The following MAGI1 variants were observed in gnomAD, a reference collection of about 807,000 sequenced individuals.
MAGI1 encodes membrane associated guanylate kinase, WW and PDZ domain containing 1, also known as membrane-associated guanylate kinase, WW and PDZ domain-containing protein 1.
In MAGI1, 58 loss-of-function variants were observed where a neutral mutation model predicts 139.9. The ratio of observed to expected loss-of-function variants is 0.41; its 90% CI spans 0.34 to 0.52. MAGI1 has a LOEUF of 0.52. MAGI1 is among the 20% of genes least tolerant of loss of function. MAGI1 has a pLI of 0.12. For synonymous variants in MAGI1, 812 were observed against 737.9 expected, an observed-to-expected ratio of 1.10 and a Z score of -1.63; for missense variants, 1,874 against 1,901.6, an observed-to-expected ratio of 0.99 and a Z score of 0.27.
intron 2 of MAGI1, among the ~76,000 whole-genome samples, chr3:65,579,807 A>G (rs922863167): frequency 6.7e-6 from 1 of 148,262 alleles, no homozygotes; most frequent in African/African-American, 2.5e-5. Context: ...AGATCACGCC[A>G]CTGCACTCTG....
intron 1 of MAGI1, among the ~76,000 whole-genome samples, chr3:65,906,425 G>C (rs918858203): frequency 2.0e-5 from 3 of 152,156 alleles, no homozygotes; most frequent in African/African-American, 2.4e-5. Context: ...CACAGCAAGG[G>C]GAAGATGCAA....
chr3:65,595,822 GGGTA>G (rs2082166041), intron 2 of MAGI1, among the ~76,000 whole-genome samples: 2 of 147,716 alleles, frequency 1.4e-5, no homozygotes. Context: ...TGGGTAGGGT[GGGTA>G]GGGTGGGGGT....
At chr3:65,921,919 G>GACACACACACACACACAC (rs35532734) in intron 1 of MAGI1, among the ~76,000 whole-genome samples, 13 of 140,844 alleles carry the variant, frequency 9.2e-5, no homozygotes, top group African/African-American at 2.6e-4. Context: ...CCACACACAC[G>GACACACACACACACACAC]ACACACACAC....
intron 13 of MAGI1, among the ~76,000 whole-genome samples, chr3:65,395,788 C>G (rs1295128582): frequency 6.6e-6 from 1 of 151,784 alleles, no homozygotes; most frequent in Non-Finnish European, 1.5e-5. Context: ...GTTTGGGTTT[C>G]ATTCTTAGTT....
At chr3:65,762,896 G>C (rs576078471) in intron 1 of MAGI1, among the ~76,000 whole-genome samples, 32 of 152,278 alleles carry the variant, frequency 2.1e-4, no homozygotes, top group Non-Finnish European at 3.2e-4. Context: ...ACCACTTCCA[G>C]AATGTGGTCT....
intron 13 of MAGI1, among the ~76,000 whole-genome samples, chr3:65,401,168 T>C (rs189386818): frequency 5.3e-5 from 8 of 152,278 alleles, no homozygotes; most frequent in Admixed American, 3.3e-4. Flanking sequence ...AGAGTGTGGA[T>C]GCATTTGTAT....
chr3:65,520,805 G>A (rs2078116012), intron 2 of MAGI1, among the ~76,000 whole-genome samples: 1 of 152,130 alleles, frequency 6.6e-6, no homozygotes, highest in Admixed American at 6.5e-5. Context: ...AGGATTAACT[G>A]CCAGACTGCC....
chr3:65,935,319 A>G (rs552551796), intron 1 of MAGI1, among the ~76,000 whole-genome samples: 1 of 152,252 alleles, frequency 6.6e-6, no homozygotes, highest in Admixed American at 6.5e-5. Flanking sequence ...GAATAAGAAG[A>G]ATGGTTTTGT....
intron 1 of MAGI1, among the ~76,000 whole-genome samples, chr3:65,899,628 G>A (rs1445000486): frequency 6.6e-6 from 1 of 152,152 alleles, no homozygotes; most frequent in Non-Finnish European, 1.5e-5. Context: ...AAAACAGAAA[G>A]AACAACTATG....
At chr3:65,649,140 G>T (rs1185129663) in intron 1 of MAGI1, among the ~76,000 whole-genome samples, 1 of 152,150 alleles carries the variant, frequency 6.6e-6, no homozygotes, top group Non-Finnish European at 1.5e-5. Flanking sequence ...TTGGGATGCT[G>T]AGGCAGAAGG....
At chr3:65,534,912 C>A (rs954197437) in intron 2 of MAGI1, among the ~76,000 whole-genome samples, 2 of 152,122 alleles carry the variant, frequency 1.3e-5, no homozygotes, top group Admixed American at 6.6e-5. Flanking sequence ...AACCCCATCA[C>A]CATGGCAGGT....
chr3:65,775,826 C>T (rs953263115), intron 1 of MAGI1, among the ~76,000 whole-genome samples: 2 of 151,844 alleles, frequency 1.3e-5, no homozygotes, highest in African/African-American at 4.8e-5. Flanking sequence ...GCCTGTAGTC[C>T]CAGCTATGCA....
intron 2 of MAGI1, among the ~76,000 whole-genome samples, chr3:65,615,497 G>GAAGTGTGCA (rs2083324133): frequency 6.6e-6 from 1 of 152,166 alleles, no homozygotes; most frequent in Admixed American, 6.5e-5. Context: ...ACACTTCAAT[G>GAAGTGTGCA]CTCCTGAAGG....
intron 1 of MAGI1, among the ~76,000 whole-genome samples, chr3:65,673,549 A>G (rs2086994681): frequency 6.6e-6 from 1 of 152,176 alleles, no homozygotes; most frequent in African/African-American, 2.4e-5. Context: ...CCAATTTGAG[A>G]AAAAGTAGGA....
At chr3:65,530,684 TACGTGTATATATATACACATATAC>T (rs1321524972) in intron 2 of MAGI1, among the ~76,000 whole-genome samples, 13 of 143,064 alleles carry the variant, frequency 9.1e-5, no homozygotes, top group Admixed American at 2.2e-4. Flanking sequence ...CATATATATA[TACGTGTATATATATACACATATAC>T]ACGTGTATAT....
intron 1 of MAGI1, among the ~76,000 whole-genome samples, chr3:65,879,522 A>G (rs563335972): frequency 2.0e-4 from 30 of 152,192 alleles, no homozygotes; most frequent in African/African-American, 7.2e-4. Context: ...TATTATAACA[A>G]CCTTGGGCAA....
At chr3:65,766,718 T>C (rs748979833) in intron 1 of MAGI1, among the ~76,000 whole-genome samples, 4 of 151,910 alleles carry the variant, frequency 2.6e-5, no homozygotes, top group Non-Finnish European at 5.9e-5. Flanking sequence ...GGTGAAACCC[T>C]GTCTCTACTA....
intron 2 of MAGI1, among the ~76,000 whole-genome samples, chr3:65,602,277 A>C (rs566353823): frequency 7.2e-5 from 11 of 152,328 alleles, no homozygotes; most frequent in Non-Finnish European, 1.0e-4. Flanking sequence ...ATTATTACTC[A>C]TAATAGCCAA....
rs549871985 is a variant in MAGI1, at chr3:65,777,137, A to C, written c.314-155049T>G. Among the ~76,000 whole-genome samples the C allele has an allele frequency of 1.5e-3, 230 of 152,316 alleles. 1 individual carries two copies. Among genetic ancestry groups the C allele is most frequent in the Non-Finnish European group, 2.1e-3 (141 of 68,036 alleles). On this transcript the variant is annotated intron_variant, in intron 1 of 22. Coordinates refer to ENST00000402939, the MANE Select transcript of MAGI1 (RefSeq NM_001033057.2). ...AAACGCAAACAGTGAAAACTCAAAG[A>C]CTTTCTGGATTCTAAAATTATATTT...
Sources: gnomAD v4.1 joint callset for allele counts (sites outside exome capture counted in the v4.1 genomes callset) on GRCh38, gnomAD v4.1.1 for gene constraint, MANE v1.5 for transcripts, NCBI Gene and HGNC (gene_info 2026-07-23, HGNC 2026-07-21) for gene names.